The following WASF1 variants were observed in gnomAD, a reference collection of about 807,000 sequenced individuals.
WASF1 encodes the protein WASP family member 1.
Under a neutral mutation model 50.5 loss-of-function variants are expected in WASF1, and 7 were observed. That is an observed-to-expected ratio of 0.14 (90% CI 0.08 to 0.26). WASF1 has a LOEUF of 0.26. Ranked by LOEUF, WASF1 falls within the 10% of genes least tolerant of loss-of-function variation. The probability of loss-of-function intolerance (pLI) is 1.00; values close to 1 mark genes in which losing one functional copy is unlikely to be tolerated. For missense variants in WASF1, 470 were observed against 694.7 expected (o/e 0.68, Z 3.64); for synonymous variants, 205 against 244.0 (o/e 0.84, Z 1.49).
intron 2 of WASF1, among the ~76,000 whole-genome samples, chr6:110,163,229 T>C (rs1211523349): frequency 6.6e-6 from 1 of 151,638 alleles, no homozygotes; most frequent in Admixed American, 6.6e-5. Context: ...ATCAAAAAAC[T>C]AAATAAATAC....
rs1773102764 is a variant in WASF1 at position 110,101,792 on chromosome 6, A to G, written c.1318T>C (p.Ser440Pro). 1.9e-6 allele frequency: 3 copies of G among 1,613,944 alleles called. No homozygotes were observed. Among genetic ancestry groups the G allele is most frequent in the Non-Finnish European group, 2.5e-6 (3 of 1,179,994 alleles). Residue 440 changes from serine (S) to proline (P), a missense_variant, in exon 10 of 11, where the codon TCA becomes CCA. Ser to Pro is a moderately conservative substitution (Grantham distance 74). Around this residue, in one of 3 missense-constraint regions of WASF1, gnomAD observed 294 missense variants for 343.5 expected, o/e 0.86. Coordinates refer to ENST00000392589, the MANE Select transcript of WASF1 (RefSeq NM_003931.3). The stretch of plus-strand genomic sequence containing the variant: ...AGAGCTGTAACTGTGACAGGTGATG[A>G]TGGTCGAATGCCAGGTGGAGGCAGA... ...PPLPPPGIRPSSPVTVTALAH... is the reference protein window; with the variant it reads ...PPLPPPGIRPPSPVTVTALAH...
chr6:110,106,203 G>C (rs1205781328), intron 7 of WASF1, among the ~76,000 whole-genome samples: 1 of 152,218 alleles, frequency 6.6e-6, no homozygotes, highest in Non-Finnish European at 1.5e-5. Context: ...AGCCAGTCGG[G>C]TGTAAGATGG....
intron 2 of WASF1, among the ~76,000 whole-genome samples, chr6:110,175,051 T>C (rs1354465128): frequency 1.3e-5 from 2 of 152,142 alleles, no homozygotes; most frequent in Non-Finnish European, 1.5e-5. Context: ...TTCAGCTCCA[T>C]CACATCCATA....
At chr6:110,106,604 T>C (rs1583923265) in intron 7 of WASF1, among the ~76,000 whole-genome samples, 1 of 152,372 alleles carries the variant, frequency 6.6e-6, no homozygotes, top group Non-Finnish European at 1.5e-5. Context: ...CATGTGAATA[T>C]AATAACCTCT....
intron 3 of WASF1, among the ~76,000 whole-genome samples, chr6:110,136,147 G>A (rs921931831): frequency 4.6e-5 from 7 of 151,968 alleles, no homozygotes; most frequent in African/African-American, 1.7e-4. Context: ...GCCTCCCAAA[G>A]TGCTGGGACT....
chr6:110,150,831 T>C (rs1238593831), intron 3 of WASF1, among the ~76,000 whole-genome samples: 1 of 151,532 alleles, frequency 6.6e-6, no homozygotes, highest in Non-Finnish European at 1.5e-5. Flanking sequence ...ACATCAGGAG[T>C]TCGAGACCAG....
intron 2 of WASF1, among the ~76,000 whole-genome samples, chr6:110,164,194 A>G (rs548137351): frequency 1.3e-5 from 2 of 151,822 alleles, no homozygotes; most frequent in South Asian, 2.1e-4. Context: ...CATGAAAAAT[A>G]ATTGGTAAGT....
chr6:110,103,885 T>C (rs1270371614), intron 8 of WASF1, among the ~76,000 whole-genome samples: 1 of 152,044 alleles, frequency 6.6e-6, no homozygotes, highest in African/African-American at 2.4e-5. Flanking sequence ...TTTTAGCAAA[T>C]TGTGTGGAAA....
At chr6:110,136,580 TAA>T (rs1346646257) in intron 3 of WASF1, among the ~76,000 whole-genome samples, 2 of 152,230 alleles carry the variant, frequency 1.3e-5, no homozygotes, top group African/African-American at 2.4e-5. Flanking sequence ...TTACCATTAT[TAA>T]GTTTCCTCTA....
Position 110,101,663 on chromosome 6 carries a change from C to T in WASF1, c.1447G>A (p.Glu483Lys). ...AGGGTTGATGGATGGCGCTTTGGCT[C>T]AGAAGCAGGTATAACTTGTGATGGA... ...SPPSQVIPAS[E>K]PKRHPSTLPV... Residue 483 changes from glutamate to lysine, a missense_variant, in exon 10 of 11, where the codon GAG becomes AAG. Glu to Lys is a moderately conservative substitution (Grantham distance 56). Around this residue, in one of 3 missense-constraint regions of WASF1, gnomAD observed 294 missense variants for 343.5 expected, o/e 0.86. Transcript: ENST00000392589. The T allele has an allele frequency of 1.9e-6, 3 of 1,614,038 alleles. No homozygotes were observed. The highest frequency in any genetic ancestry group is 2.5e-6 in the Non-Finnish European group (3 of 1,179,962).
intron 3 of WASF1, among the ~76,000 whole-genome samples, chr6:110,132,111 T>C (rs1774704336): frequency 6.6e-6 from 1 of 152,172 alleles, no homozygotes; most frequent in Admixed American, 6.5e-5. Context: ...GTCTTATACA[T>C]CATTATTTAT....
At chr6:110,125,095 G>A (rs747509489) in intron 4 of WASF1, among the ~76,000 whole-genome samples, 8 of 152,110 alleles carry the variant, frequency 5.3e-5, no homozygotes, top group South Asian at 2.1e-4. Context: ...AGTTTTCTAA[G>A]TAATTCAGAT....
chr6:110,103,646 C>G, intron 8 of WASF1, 89 bp from the exon 9 acceptor site: 1 of 1,113,596 alleles, frequency 9.0e-7, no homozygotes, highest in Non-Finnish European at 1.2e-6. Context: ...TAAAGTTTAT[C>G]CTTTCAATGC....
chr6:110,140,885 GA>G, intron 3 of WASF1, among the ~76,000 whole-genome samples: 1 of 152,188 alleles, frequency 6.6e-6, no homozygotes, highest in Non-Finnish European at 1.5e-5. Context: ...GTCAACGGTT[GA>G]AAGTCAGGAG....
At chr6:110,105,114 C>T (rs2114455450) in intron 8 of WASF1, among the ~76,000 whole-genome samples, 1 of 152,288 alleles carries the variant, frequency 6.6e-6, no homozygotes, top group Admixed American at 6.5e-5. Context: ...TTCTAGCAGA[C>T]TGTGCCTGAA....
intron 5 of WASF1, among the ~76,000 whole-genome samples, chr6:110,111,706 T>A (rs542013102): frequency 6.6e-6 from 1 of 152,168 alleles, no homozygotes; most frequent in Admixed American, 6.5e-5. Context: ...TACAGACAGA[T>A]CCATACAGAC....
intron 4 of WASF1, among the ~76,000 whole-genome samples, chr6:110,114,866 C>A (rs1384143193): frequency 6.6e-6 from 1 of 150,670 alleles, no homozygotes; most frequent in Non-Finnish European, 1.5e-5. Context: ...CTGAGGTGGG[C>A]AGACTGCTTG....
chr6:110,133,253 T>C (rs907033198), intron 3 of WASF1, among the ~76,000 whole-genome samples: 3 of 152,234 alleles, frequency 2.0e-5, no homozygotes, highest in Admixed American at 2.0e-4. Flanking sequence ...GCTATATACA[T>C]GCTATATACA....
At chr6:110,146,141 A>T (rs1271709614) in intron 3 of WASF1, among the ~76,000 whole-genome samples, 1 of 152,250 alleles carries the variant, frequency 6.6e-6, no homozygotes, top group Non-Finnish European at 1.5e-5. Flanking sequence ...ATAACAAAAA[A>T]TATAATTTTC....
Sources: allele counts gnomAD v4.1 joint callset (sites outside exome capture counted in the v4.1 genomes callset), GRCh38; gene constraint gnomAD v4.1.1; regional missense constraint gnomAD v4.1.1; transcripts MANE v1.5; gene names NCBI Gene and HGNC (gene_info 2026-07-23, HGNC 2026-07-21).